WASHC4: variants seen among roughly 807,000 people sequenced by gnomAD.
WASHC4 encodes WASH complex subunit 7.
WASHC4 carries 86 observed loss-of-function variants against 166.6 expected under a neutral mutation model. The ratio of observed to expected loss-of-function variants is 0.52; its 90% CI spans 0.43 to 0.62. The LOEUF is 0.62. WASHC4 is among the 20% of genes least tolerant of loss of function. WASHC4 has a pLI of 0.00. For missense variants in WASHC4, 1,262 were observed against 1,382.4 expected (o/e 0.91, Z 1.38); for synonymous variants, 446 against 451.6 (o/e 0.99, Z 0.16).
At chr12:105,136,543 C>T (rs1882334208) in intron 14 of WASHC4, among the ~76,000 whole-genome samples, 1 of 152,160 alleles carries the variant, frequency 6.6e-6, no homozygotes, top group South Asian at 2.1e-4. Flanking sequence ...CATCCCTTCA[C>T]AAATTAATGG....
At chr12:105,148,210 G>A in intron 24 of WASHC4, 1 of 985,076 alleles carries the variant, frequency 1.0e-6, no homozygotes, top group Non-Finnish European at 1.2e-6. Flanking sequence ...ATTATAGTGG[G>A]GTTATCAATA....
chr12:105,131,064 A>ATATT (rs1409616043), intron 13 of WASHC4, among the ~76,000 whole-genome samples: 100 of 147,992 alleles, frequency 6.8e-4, no homozygotes, highest in African/African-American at 2.0e-3. Context: ...TTGTTTTTAT[A>ATATT]TATTTATTTA....
At chr12:105,165,328 T>C (rs763492539) in intron 32 of WASHC4, among the ~76,000 whole-genome samples, 28 of 152,228 alleles carry the variant, frequency 1.8e-4, no homozygotes, top group Non-Finnish European at 3.8e-4. Flanking sequence ...ATCTATACTT[T>C]TTAAGGCGTA....
chr12:105,164,657 A>G lies in WASHC4; in HGVS notation c.3371A>G (p.Tyr1124Cys). The G allele has an allele frequency of 6.2e-7, 1 of 1,612,216 alleles. No homozygotes were observed. Among genetic ancestry groups the G allele is most frequent in the Non-Finnish European group, 8.5e-7 (1 of 1,178,576 alleles). Residue 1124 changes from tyrosine to cysteine, a missense_variant, in exon 32 of 33, where the codon TAT becomes TGT. Coordinates refer to ENST00000332180, the MANE Select transcript of WASHC4 (RefSeq NM_015275.3). ...TTTACTTAGGAATTTGAATTGCTGT[A>G]TTTCTCACTGAGCAGTGCAAGAATT... ...DVYLQEFELLYFSLSSARIFF... is the reference protein window; with the variant it reads ...DVYLQEFELLCFSLSSARIFF...
intron 25 of WASHC4, among the ~76,000 whole-genome samples, chr12:105,150,202 C>T (rs1252877494): frequency 6.6e-6 from 1 of 152,194 alleles, no homozygotes; most frequent in African/African-American, 2.4e-5. Context: ...CTCATCACGT[C>T]AGTACATACA....
At chr12:105,122,594 C>T (rs1470011128) in intron 10 of WASHC4, among the ~76,000 whole-genome samples, 1 of 151,942 alleles carries the variant, frequency 6.6e-6, no homozygotes, top group Non-Finnish European at 1.5e-5. Context: ...AGGTTTGTGG[C>T]AATCCTGCAT....
chr12:105,132,786 TAGTGTGTG>T lies in WASHC4; in HGVS notation c.1200-983_1200-976del, dbSNP rs1224250937. On this transcript the variant is annotated intron_variant, in intron 13 of 32. Coordinates refer to ENST00000332180, the MANE Select transcript of WASHC4 (RefSeq NM_015275.3). ...AAGTTAATGTGAGGGGTGAAAGAGG[TAGTGTGTG>T]TGTGTGTGTGTGTGTGTGTGTGTGT... Among the ~76,000 whole-genome samples, 6 of 82,508 alleles carry T rather than the reference TAGTGTGTG, an allele frequency of 7.3e-5. No homozygotes were observed. The East Asian group carries it at 2.0e-3, about 28-fold the overall frequency. The allele number at this position is 82,508 out of a possible 152,430, so 54.1% of individuals were successfully genotyped here.
intron 29 of WASHC4, among the ~76,000 whole-genome samples, chr12:105,160,894 A>G (rs192383175): frequency 2.0e-3 from 303 of 152,284 alleles, no homozygotes; most frequent in African/African-American, 7.0e-3. Context: ...TAAATTTTTA[A>G]TGCTTCTTAG....
rs372217243 is a variant in WASHC4, at chr12:105,126,100, A to G, written c.883A>G (p.Ile295Val). The G allele has an allele frequency of 8.6e-5, 139 of 1,612,944 alleles. No individual in the cohort carries two copies. Among genetic ancestry groups the G allele is most frequent in the African/African-American group, 7.3e-4 (55 of 74,908 alleles). The change falls in exon 11 of 33, where the codon ATT (isoleucine) becomes GTT (valine). Residue 295 changes from isoleucine (I) to valine (V), a missense_variant. Coordinates refer to ENST00000332180, the MANE Select transcript of WASHC4 (RefSeq NM_015275.3). ...GGAATTTGCACATAGTATTCGGTCAATTTTTGCAAATGTAGAAGCCAAACT... is the reference window on the plus strand; with the variant it reads ...GGAATTTGCACATAGTATTCGGTCAGTTTTTGCAAATGTAGAAGCCAAACT... The part of the protein sequence containing the change: ...AEEFAHSIRS[I>V]FANVEAKLGE...
intron 32 of WASHC4, among the ~76,000 whole-genome samples, chr12:105,165,975 C>T (rs1353316298): frequency 6.6e-6 from 1 of 152,196 alleles, no homozygotes; most frequent in East Asian, 1.9e-4. Flanking sequence ...CAGTTATTGC[C>T]TCAGTTCTGC....
chr12:105,133,854 A>G lies in WASHC4; in HGVS notation c.1284A>G (p.Lys428=). Residue 428 remains lysine (K), a synonymous_variant, in exon 14 of 33, where the codon AAA becomes AAG. Coordinates refer to ENST00000332180, the MANE Select transcript of WASHC4 (RefSeq NM_015275.3). ...SILSKEQRMD[K]FAEDLTNRCN... ...TGTCTAAAGAGCAGAGAATGGATAA[A>G]TTTGCTGAAGATCTCACCAATAGAT... is the stretch of plus-strand genomic sequence containing the variant. The G allele has an allele frequency of 3.1e-6, 5 of 1,612,110 alleles. No homozygotes were observed. The highest frequency in any genetic ancestry group is 4.2e-6 in the Non-Finnish European group (5 of 1,178,550).
intron 15 of WASHC4, among the ~76,000 whole-genome samples, chr12:105,139,858 T>C (rs1178258343): frequency 6.6e-6 from 1 of 152,040 alleles, no homozygotes; most frequent in African/African-American, 2.4e-5. Context: ...TTTAGTATAG[T>C]TGAATTTATC....
chr12:105,156,036 G>T (rs1884140987), intron 26 of WASHC4, among the ~76,000 whole-genome samples: 1 of 152,146 alleles, frequency 6.6e-6, no homozygotes, highest in South Asian at 2.1e-4. Context: ...CTATGAAGGG[G>T]TGAATGAAAA....
intron 1 of WASHC4, 46 bp downstream of exon 1, chr12:105,107,907 C>T (rs769815059): frequency 7.1e-7 from 1 of 1,415,806 alleles, no homozygotes; most frequent in South Asian, 1.2e-5. Context: ...GCTCCTTCGG[C>T]CCGCCGCTGT....
chr12:105,168,069 C>T lies in WASHC4; in HGVS notation c.*1138C>T, dbSNP rs1415896520. ...GACAAAAGTTTAAAACTTTCTAATA[C>T]AAACACCATTTTGGGAAATGCTTGA... On this transcript the variant is annotated 3_prime_UTR_variant, in exon 33 of 33. Transcript: ENST00000332180. 6.6e-6 allele frequency: 1 copy of T among 152,056 alleles called. No homozygotes were observed. The highest frequency in any genetic ancestry group is 1.5e-5 in the Non-Finnish European group (1 of 67,936). 9.4% of individuals were successfully genotyped at this position (152,056 alleles called of 1,614,324 possible). A position where few individuals can be genotyped will look rare whatever the true frequency, so the allele number is the denominator to read the frequency against.
At position 105,107,880 on chromosome 12, in the gene WASHC4, G is replaced by C; in HGVS notation, c.61+19G>C. The C allele has an allele frequency of 6.5e-7, 1 of 1,536,008 alleles. No homozygotes were observed. The highest frequency in any genetic ancestry group is 1.4e-5 in the African/African-American group (1 of 72,848). On this transcript the variant is annotated intron_variant, in intron 1 of 32. Coordinates refer to ENST00000332180, the MANE Select transcript of WASHC4 (RefSeq NM_015275.3). ...TCGCAGAGTAAGGGAGCTGCAGGGC[G>C]AGGGCTGCGGGTGGACGCTCCTTCG...
rs76279269 is a variant in WASHC4, at chr12:105,137,347, A to G, written c.1327-539A>G. On this transcript the variant is annotated intron_variant, in intron 14 of 32. Transcript: ENST00000332180. ...CCAAACTAGGCAAGGATGAGATAGC[A>G]GATGGACTGTGGGGATTGGTCTAGG... 1.6e-3 allele frequency among the ~76,000 whole-genome samples: 245 copies of G among 152,314 alleles called. 1 individual carries two copies. The highest frequency in any genetic ancestry group is 2.3e-3 in the Non-Finnish European group (158 of 68,010).
In WASHC4 at chr12:105,139,425, G is replaced by GTGTATATATA; in HGVS notation, c.1453-868_1453-867insGTATATATAT. ...AGACAGACTATATATATGTGTGTGT[G>GTGTATATATA]TATATATATATATATATATATATAT... On this transcript the variant is annotated intron_variant, in intron 15 of 32. Transcript: ENST00000332180. Among the ~76,000 whole-genome samples the GTGTATATATA allele has an allele frequency of 3.6e-3, 371 of 103,190 alleles. 3 individuals are homozygous for GTGTATATATA. Among genetic ancestry groups the GTGTATATATA allele is most frequent in the South Asian group, 4.8e-3 (13 of 2,700 alleles). The allele number at this position is 103,190 out of a possible 152,430, so 67.7% of individuals were successfully genotyped here.
At chr12:105,141,533 A>G in intron 18 of WASHC4, among the ~76,000 whole-genome samples, 1 of 152,236 alleles carries the variant, frequency 6.6e-6, no homozygotes, top group East Asian at 1.9e-4. Context: ...TATGTTGGGT[A>G]TCTTTATTGG....
Sources: allele counts gnomAD v4.1 joint callset (sites outside exome capture counted in the v4.1 genomes callset), GRCh38; gene constraint gnomAD v4.1.1; transcripts MANE v1.5; gene names NCBI Gene and HGNC (gene_info 2026-07-23, HGNC 2026-07-21).